Variants in CDKAL1 observed in about 807,000 individuals in gnomAD.
The protein encoded by CDKAL1 is threonylcarbamoyladenosine tRNA methylthiotransferase.
Under a neutral mutation model 68.2 loss-of-function variants are expected in CDKAL1, and 32 were observed. The ratio of observed to expected loss-of-function variants is 0.47; its 90% confidence interval spans 0.35 to 0.63. The LOEUF is 0.63. Among genes scored for constraint, CDKAL1 ranks in the 30% least tolerant of loss-of-function variants. The pLI is 0.00. For missense variants in CDKAL1, 606 were observed against 696.7 expected (o/e 0.87, Z 1.47); for synonymous variants, 234 against 244.3 (o/e 0.96, Z 0.39).
chr6:20,684,202 G>T (rs946177208), intron 5 of CDKAL1, among the ~76,000 whole-genome samples: 1 of 152,206 alleles, frequency 6.6e-6, no homozygotes, highest in Non-Finnish European at 1.5e-5. Context: ...CGCACTTTGG[G>T]AGGCCAAGGT....
At chr6:20,630,161 G>A (rs1253984885) in intron 4 of CDKAL1, among the ~76,000 whole-genome samples, 1 of 152,052 alleles carries the variant, frequency 6.6e-6, no homozygotes, top group Admixed American at 6.6e-5. Flanking sequence ...GAGCCACCAC[G>A]CCACGTCCCT....
rs1048219402 is a variant in CDKAL1, at chr6:20,539,927, C to T, written c.-6+4533C>T. Among the ~76,000 whole-genome samples, 1 of 151,942 alleles carries T rather than the reference C, an allele frequency of 6.6e-6. No homozygotes were observed. The highest frequency in any genetic ancestry group is 2.4e-5 in the African/African-American group (1 of 41,354). On this transcript the variant is annotated intron_variant, in intron 2 of 15. Coordinates refer to ENST00000274695, the MANE Select transcript of CDKAL1 (RefSeq NM_017774.3). The surrounding 1 kb of genome is among the most constrained non-coding windows in gnomAD (Gnocchi z 4.3). ...GACAAGAGGTGATGTTGGTTTGGAC[C>T]AAGAGTGTAACAGTGGGTATGGTCA...
intron 7 of CDKAL1, 115 bp from the exon 8 acceptor site, chr6:20,781,030 T>A (rs1411701719): frequency 1.9e-6 from 2 of 1,027,652 alleles, no homozygotes; most frequent in Non-Finnish European, 2.8e-6. Flanking sequence ...TTCACTCTTC[T>A]ATGTTGTTTC....
At chr6:20,845,006 TA>T (rs1778324601) in intron 8 of CDKAL1, among the ~76,000 whole-genome samples, 1 of 152,248 alleles carries the variant, frequency 6.6e-6, no homozygotes, top group Non-Finnish European at 1.5e-5. Context: ...TTTTAAAATG[TA>T]TGTTACTTTA....
intron 4 of CDKAL1, among the ~76,000 whole-genome samples, chr6:20,593,956 G>A (rs1235598156): frequency 6.6e-6 from 1 of 152,208 alleles, no homozygotes; most frequent in Non-Finnish European, 1.5e-5. Flanking sequence ...TCAGGAGCAG[G>A]TTGTTCAGTT....
intron 7 of CDKAL1, among the ~76,000 whole-genome samples, chr6:20,778,957 G>A (rs1055102310): frequency 2.6e-5 from 4 of 152,116 alleles, no homozygotes; most frequent in African/African-American, 9.7e-5. Flanking sequence ...ACCTTGTGGC[G>A]CAGTCAAGTT....
intron 11 of CDKAL1, among the ~76,000 whole-genome samples, chr6:21,021,543 T>A (rs1000834931): frequency 7.9e-5 from 12 of 152,188 alleles, no homozygotes; most frequent in Admixed American, 3.9e-4. Flanking sequence ...ACAGCTTTTT[T>A]AATAAAATGC....
At chr6:20,982,799 T>G (rs1355381050) in intron 10 of CDKAL1, among the ~76,000 whole-genome samples, 1 of 152,142 alleles carries the variant, frequency 6.6e-6, no homozygotes, top group East Asian at 1.9e-4. Context: ...AATTTCCCCC[T>G]CTAATATAAA....
At chr6:20,765,488 TTTTGCTATCCTC>T (rs1774659728) in intron 7 of CDKAL1, among the ~76,000 whole-genome samples, 2 of 152,198 alleles carry the variant, frequency 1.3e-5, no homozygotes, top group Non-Finnish European at 2.9e-5. Context: ...AGTTTATCTG[TTTTGCTATCCTC>T]TTTTCTTTAT....
chr6:20,862,676 C>T (rs759536159), intron 9 of CDKAL1, among the ~76,000 whole-genome samples: 100 of 151,752 alleles, frequency 6.6e-4, no homozygotes, highest in Non-Finnish European at 1.2e-3. Flanking sequence ...CGCGTGCATG[C>T]GCGCGTGCGC....
intron 9 of CDKAL1, among the ~76,000 whole-genome samples, chr6:20,908,873 A>G (rs1328051552): frequency 6.6e-6 from 1 of 152,078 alleles, no homozygotes; most frequent in African/African-American, 2.4e-5. Context: ...ATTTTCCATG[A>G]AAGTGGTGGT....
chr6:20,601,853 CCTT>C (rs1167372574), intron 4 of CDKAL1, among the ~76,000 whole-genome samples: 1 of 152,138 alleles, frequency 6.6e-6, no homozygotes, highest in Non-Finnish European at 1.5e-5. Context: ...CAACCTAATG[CCTT>C]CTTCTGCATT....
chr6:20,851,835 T>C (rs770805586), intron 9 of CDKAL1, among the ~76,000 whole-genome samples: 8 of 151,900 alleles, frequency 5.3e-5, no homozygotes, highest in Non-Finnish European at 8.8e-5. Context: ...TAGGAAACAA[T>C]ATGAGCAATA....
chr6:21,008,920 T>C (rs1322945959), intron 11 of CDKAL1, among the ~76,000 whole-genome samples: 1 of 152,216 alleles, frequency 6.6e-6, no homozygotes, highest in Non-Finnish European at 1.5e-5. Context: ...AAGTGATACA[T>C]TCCTTTTAAT....
intron 11 of CDKAL1, among the ~76,000 whole-genome samples, chr6:21,047,823 A>G (rs1770326390): frequency 6.6e-6 from 1 of 152,226 alleles, no homozygotes; most frequent in Admixed American, 6.5e-5. Context: ...GAGGTGGCCC[A>G]GGGAATATCA....
At chr6:20,541,722 G>A (rs1234815129) in intron 2 of CDKAL1, among the ~76,000 whole-genome samples, 4 of 151,958 alleles carry the variant, frequency 2.6e-5, no homozygotes, top group East Asian at 3.9e-4. Flanking sequence ...GTGCAATGGC[G>A]CGATCTCGGC....
chr6:20,703,290 T>C (rs1562038317), intron 5 of CDKAL1, among the ~76,000 whole-genome samples: 1 of 152,206 alleles, frequency 6.6e-6, no homozygotes, highest in Non-Finnish European at 1.5e-5. Flanking sequence ...TCTAGTTAAT[T>C]AAGGTACTGT....
intron 5 of CDKAL1, among the ~76,000 whole-genome samples, chr6:20,697,435 G>T (rs1451335613): frequency 6.6e-6 from 1 of 152,046 alleles, no homozygotes; most frequent in Non-Finnish European, 1.5e-5. Flanking sequence ...TAGATCAAAA[G>T]AGAAGGCCAC....
chr6:21,012,714 G>C (rs1768088450), intron 11 of CDKAL1, among the ~76,000 whole-genome samples: 1 of 152,260 alleles, frequency 6.6e-6, no homozygotes, highest in South Asian at 2.1e-4. Context: ...GCTTTCCTCT[G>C]TGAGGGATAC....
Sources: gnomAD v4.1 joint callset for allele counts (sites outside exome capture counted in the v4.1 genomes callset) on GRCh38, gnomAD v4.1.1 for gene constraint, Gnocchi (gnomAD v3.1) non-coding constraint, MANE v1.5 for transcripts, NCBI Gene and HGNC (gene_info 2026-07-23, HGNC 2026-07-21) for gene names.